The following RNF13 variants were observed in gnomAD, a reference collection of about 807,000 sequenced individuals.
RNF13 encodes the protein E3 ubiquitin-protein ligase RNF13.
Under a neutral mutation model 37.7 loss-of-function variants are expected in RNF13, and 19 were observed. The observed-to-expected ratio is 0.50, with a 90% CI of 0.35 to 0.74. RNF13 has a LOEUF of 0.74. Ranked by LOEUF, RNF13 falls within the 30% of genes least tolerant of loss-of-function variation. The pLI, the probability that RNF13 is intolerant of heterozygous loss-of-function variation, is 0.01. For synonymous variants in RNF13, 144 were observed against 157.8 expected, an observed-to-expected ratio of 0.91 and a Z score of 0.65; for missense variants, 375 against 453.0, an observed-to-expected ratio of 0.83 and a Z score of 1.56.
At chr3:149,890,731 A>G (rs1224975390) in intron 4 of RNF13, among the ~76,000 whole-genome samples, 2 of 152,072 alleles carry the variant, frequency 1.3e-5, no homozygotes, top group African/African-American at 4.8e-5. Context: ...TTTGTTTTAA[A>G]TGTGTCTTTT....
intron 3 of RNF13, among the ~76,000 whole-genome samples, chr3:149,861,645 G>A (rs184264248): frequency 6.6e-6 from 1 of 152,154 alleles, no homozygotes; most frequent in African/African-American, 2.4e-5. Flanking sequence ...GTTGAGAGGG[G>A]GAGATGAAGA....
At chr3:149,860,566 T>G (rs142823746) in intron 3 of RNF13, among the ~76,000 whole-genome samples, 1 of 151,936 alleles carries the variant, frequency 6.6e-6, no homozygotes, top group Non-Finnish European at 1.5e-5. Context: ...TGGATATCCA[T>G]ATGCAGAAGA....
intron 8 of RNF13, among the ~76,000 whole-genome samples, chr3:149,946,118 C>T (rs920966733): frequency 3.9e-5 from 6 of 152,250 alleles, no homozygotes; most frequent in South Asian, 2.1e-4. Flanking sequence ...CAAATTTCTC[C>T]GAGCTAAAGG....
chr3:149,869,456 A>C (rs1316906291), intron 3 of RNF13, among the ~76,000 whole-genome samples: 1 of 151,472 alleles, frequency 6.6e-6, no homozygotes, highest in Non-Finnish European at 1.5e-5. Flanking sequence ...AATACAAAAA[A>C]TTAGCCGGGC....
At chr3:149,894,374 C>T (rs1004385149) in intron 4 of RNF13, among the ~76,000 whole-genome samples, 1 of 152,150 alleles carries the variant, frequency 6.6e-6, no homozygotes, top group Non-Finnish European at 1.5e-5. Context: ...AATAATTGCA[C>T]ATCCTTTTTA....
intron 2 of RNF13, 128 bp downstream of exon 2, chr3:149,846,268 T>G: frequency 1.7e-6 from 1 of 586,748 alleles, no homozygotes; most frequent in Non-Finnish European, 3.0e-6. Flanking sequence ...CCAACACATA[T>G]ACACAGTTAC....
intron 1 of RNF13, among the ~76,000 whole-genome samples, chr3:149,844,815 T>C (rs1010775620): frequency 6.6e-6 from 1 of 152,132 alleles, no homozygotes; most frequent in African/African-American, 2.4e-5. Flanking sequence ...CCAATTAAAG[T>C]GTACAATGCA....
At chr3:149,928,255 A>G (rs2108551667) in intron 8 of RNF13, among the ~76,000 whole-genome samples, 1 of 152,164 alleles carries the variant, frequency 6.6e-6, no homozygotes, top group Admixed American at 6.5e-5. Flanking sequence ...GTCAAATCTA[A>G]GGTCATAAAG....
intron 8 of RNF13, among the ~76,000 whole-genome samples, chr3:149,950,527 T>A (rs1721221002): frequency 6.6e-6 from 1 of 152,188 alleles, no homozygotes; most frequent in Non-Finnish European, 1.5e-5. Flanking sequence ...TAAGCTGGAA[T>A]GCAGTGGCAT....
chr3:149,874,952 A>G (rs781201090), intron 4 of RNF13, among the ~76,000 whole-genome samples: 1 of 152,134 alleles, frequency 6.6e-6, no homozygotes, highest in Non-Finnish European at 1.5e-5. Flanking sequence ...CAAAATGGTT[A>G]TATACAGTTT....
chr3:149,956,460 T>C (rs915239887), intron 8 of RNF13, among the ~76,000 whole-genome samples: 3 of 152,176 alleles, frequency 2.0e-5, no homozygotes, highest in Non-Finnish European at 4.4e-5. Context: ...ACCTAGGTCT[T>C]TGTGTGAGTC....
chr3:149,866,871 C>G (rs999423120), intron 3 of RNF13, among the ~76,000 whole-genome samples: 4 of 152,082 alleles, frequency 2.6e-5, no homozygotes, highest in Non-Finnish European at 5.9e-5. Context: ...TTATTGTAGT[C>G]TATTGTGGCC....
At chr3:149,932,881 A>G (rs920697095) in intron 8 of RNF13, among the ~76,000 whole-genome samples, 5 of 152,120 alleles carry the variant, frequency 3.3e-5, no homozygotes, top group Non-Finnish European at 2.9e-5. Flanking sequence ...TGGGGATCCA[A>G]CCTTACATTT....
chr3:149,931,851 C>T (rs1349908408), intron 8 of RNF13, among the ~76,000 whole-genome samples: 1 of 152,194 alleles, frequency 6.6e-6, no homozygotes, highest in East Asian at 1.9e-4. Flanking sequence ...CCCTTCCACC[C>T]TTCCCAGCAT....
intron 8 of RNF13, among the ~76,000 whole-genome samples, chr3:149,924,385 C>T (rs1207218597): frequency 1.3e-5 from 2 of 151,978 alleles, no homozygotes; most frequent in Admixed American, 6.6e-5. Context: ...CAAGAGAGTG[C>T]GTACAGAGAG....
intron 7 of RNF13, among the ~76,000 whole-genome samples, chr3:149,914,477 A>G (rs995615698): frequency 6.6e-6 from 1 of 152,216 alleles, no homozygotes; most frequent in Non-Finnish European, 1.5e-5. Context: ...CATAGAAGCA[A>G]GAAAGTAGAG....
intron 8 of RNF13, among the ~76,000 whole-genome samples, chr3:149,954,201 A>G (rs1027091094): frequency 1.3e-5 from 2 of 150,880 alleles, no homozygotes; most frequent in African/African-American, 4.9e-5. Flanking sequence ...AGATGTTAGA[A>G]AAAAAAAAAC....
chr3:149,946,606 A>T (rs1261113093), intron 8 of RNF13, among the ~76,000 whole-genome samples: 2 of 152,118 alleles, frequency 1.3e-5, no homozygotes, highest in African/African-American at 4.8e-5. Context: ...TTTGGTTGTA[A>T]TTTAATACTA....
intron 4 of RNF13, among the ~76,000 whole-genome samples, chr3:149,879,376 T>C (rs1275604679): frequency 6.7e-6 from 1 of 148,754 alleles, no homozygotes; most frequent in Admixed American, 6.8e-5. Flanking sequence ...GGCATGAACA[T>C]GGCTCACTGC....
Sources: allele counts gnomAD v4.1 joint callset (sites outside exome capture counted in the v4.1 genomes callset), GRCh38; gene constraint gnomAD v4.1.1; transcripts MANE v1.5; gene names NCBI Gene and HGNC (gene_info 2026-07-23, HGNC 2026-07-21).